Variants in NECAP2 observed in about 807,000 individuals in gnomAD.
NECAP2 encodes adaptin ear-binding coat-associated protein 2.
NECAP2 carries 38 observed loss-of-function variants against 37.8 expected under a neutral mutation model. That is an observed-to-expected ratio of 1.01 (90% CI 0.78 to 1.32). NECAP2 has a LOEUF of 1.32. NECAP2 is among the 40% of genes most tolerant of loss of function. The pLI is 0.00. For synonymous variants in NECAP2, 121 were observed against 127.7 expected (o/e 0.95, Z 0.35); for missense variants, 316 against 334.5 (o/e 0.94, Z 0.43).
intron 6 of NECAP2, 67 bp downstream of exon 6, chr1:16,452,082 C>T (rs2086852498): frequency 6.9e-7 from 1 of 1,441,768 alleles, no homozygotes; most frequent in African/African-American, 1.4e-5. Context: ...GCAGCCAGGC[C>T]CCATGGTTTC....
chr1:16,458,619 C>G (rs1301072459), intron 7 of NECAP2, among the ~76,000 whole-genome samples: 1 of 150,360 alleles, frequency 6.7e-6, no homozygotes, highest in Non-Finnish European at 1.5e-5. Context: ...AACAAAACCA[C>G]AAACAAAAAA....
intron 7 of NECAP2, among the ~76,000 whole-genome samples, chr1:16,458,567 G>T (rs927234025): frequency 1.6e-4 from 24 of 151,766 alleles, no homozygotes; most frequent in African/African-American, 5.6e-4. Context: ...TTCCAGCCTG[G>T]GCGACAGTGA....
At chr1:16,440,883 T>G (rs751002198) in intron 1 of NECAP2, 30 bp downstream of exon 1, 1 of 1,589,562 alleles carries the variant, frequency 6.3e-7, no homozygotes. Flanking sequence ...CCAGGCTAGC[T>G]CCAATTTAAC....
At chr1:16,455,923 TG>T in intron 7 of NECAP2, 30 bp downstream of exon 7, 1 of 1,574,430 alleles carries the variant, frequency 6.4e-7, no homozygotes, top group Non-Finnish European at 8.7e-7. Flanking sequence ...GCGGAGGGGC[TG>T]GGGCCAGGGC....
At chr1:16,458,492 G>A (rs1254088011) in intron 7 of NECAP2, among the ~76,000 whole-genome samples, 3 of 152,020 alleles carry the variant, frequency 2.0e-5, no homozygotes, top group Non-Finnish European at 1.5e-5. Context: ...TAGGGAGGCT[G>A]AGGTAGGAGG....
intron 1 of NECAP2, among the ~76,000 whole-genome samples, chr1:16,443,088 G>A (rs2086712314): frequency 6.6e-6 from 1 of 152,110 alleles, no homozygotes; most frequent in Admixed American, 6.5e-5. Context: ...GTCTCAAATG[G>A]TCGCTCTGAC....
chr1:16,449,531 CT>C (rs2086811175), intron 5 of NECAP2: 2 of 280,166 alleles, frequency 7.1e-6, no homozygotes, highest in South Asian at 1.1e-4. Context: ...AAGAAGGGAC[CT>C]GTAGGCAAGG....
chr1:16,454,872 G>T (rs1441715015), intron 6 of NECAP2, among the ~76,000 whole-genome samples: 1 of 152,178 alleles, frequency 6.6e-6, no homozygotes. Flanking sequence ...TGCTGGACCT[G>T]TTCTAAGCAT....
intron 2 of NECAP2, 79 bp from the exon 3 acceptor site, chr1:16,447,791 A>G: frequency 8.5e-7 from 1 of 1,174,408 alleles, no homozygotes; most frequent in Non-Finnish European, 1.3e-6. Flanking sequence ...CTTGCGGGCA[A>G]AAGGCCCAGT....
chr1:16,444,246 G>A (rs1386991567), intron 2 of NECAP2, among the ~76,000 whole-genome samples: 2 of 152,158 alleles, frequency 1.3e-5, no homozygotes, highest in South Asian at 2.1e-4. Context: ...AGATCGTCTT[G>A]GGGGAAACTT....
intron 5 of NECAP2, chr1:16,450,285 GTTGT>G: frequency 2.8e-6 from 1 of 353,556 alleles, no homozygotes; most frequent in Admixed American, 3.9e-5. Flanking sequence ...GTTTTGTTTT[GTTGT>G]TTTTTTTTTT....
At position 16,459,296 on chromosome 1, in the gene NECAP2, C is replaced by T. The variant is rs140844530; in HGVS notation, c.*406C>T. On this transcript the variant is annotated 3_prime_UTR_variant, in exon 8 of 8. Transcript: ENST00000337132. ...CAGGTGTCACATGATCACAGTTCAG[C>T]GGGAGGCTTTCCGTACCCACACTGG... 34 of 195,082 alleles carry T rather than the reference C, an allele frequency of 1.7e-4. No individual in the cohort carries two copies. The highest frequency in any genetic ancestry group is 3.7e-3 in the Middle Eastern group (2 of 546). The allele number at this position is 195,082 out of a possible 1,614,324, so 12.1% of individuals were successfully genotyped here. A position where few individuals can be genotyped will look rare whatever the true frequency, so the allele number is the denominator to read the frequency against.
chr1:16,450,166 A>G (rs960296134), intron 5 of NECAP2: 5 of 455,212 alleles, frequency 1.1e-5, no homozygotes, highest in Admixed American at 2.4e-5. Context: ...AGTCCAATCC[A>G]GTGGACTGGT....
chr1:16,443,718 A>G lies in NECAP2; in HGVS notation c.179A>G (p.Glu60Gly). Reference protein sequence around the residue: ...AKGQMAYIKLEDRTSGELFAQ... With the variant: ...AKGQMAYIKLGDRTSGELFAQ... ...GGACAGATGGCCTACATCAAGCTGG[A>G]GGACAGGACGTCAGGTAACCGGAAG... The change falls in exon 2 of 8, where the codon GAG becomes GGG. Residue 60 changes from glutamate to glycine, a missense_variant. Around this residue, in one of 3 missense-constraint regions of NECAP2, gnomAD observed 81 missense variants for 124.2 expected, o/e 0.65. Transcript: ENST00000337132. The G allele has an allele frequency of 6.2e-7, 1 of 1,612,620 alleles. No homozygotes were observed. Among genetic ancestry groups the G allele is most frequent in the Non-Finnish European group, 8.5e-7 (1 of 1,179,572 alleles).
rs1430583796 is a variant in NECAP2, at chr1:16,459,072, T to C, written c.*182T>C. 3.6e-6 allele frequency: 5 copies of C among 1,396,094 alleles called. No homozygotes were observed. The highest frequency in any genetic ancestry group is 4.8e-6 in the Non-Finnish European group (5 of 1,035,882). 86.5% of individuals were successfully genotyped at this position (1,396,094 alleles called of 1,614,324 possible). ...GCAGTAAATTGGCACCGTGTCACAC[T>C]GTTTCCTGGGATTCAAGTATGCAAC... On this transcript the variant is annotated 3_prime_UTR_variant, in exon 8 of 8. Coordinates refer to ENST00000337132, the MANE Select transcript of NECAP2 (RefSeq NM_018090.5).
chr1:16,448,048 G>A lies in NECAP2; in HGVS notation c.299-12G>A. The A allele has an allele frequency of 6.2e-7, 1 of 1,614,204 alleles. No individual in the cohort carries two copies. The highest frequency in any genetic ancestry group is 8.5e-7 in the Non-Finnish European group (1 of 1,180,030). On this transcript the variant is annotated splice_polypyrimidine_tract_variant and intron_variant, in intron 3 of 7. Transcript: ENST00000337132. ...CCTTTGGAAGGTGGGTTGATCATGT[G>A]TTGTTCCCCAGGGCGACGGGCGTTT...
chr1:16,443,429 A>T (rs1054952405), intron 1 of NECAP2, among the ~76,000 whole-genome samples: 5 of 152,260 alleles, frequency 3.3e-5, no homozygotes, highest in Non-Finnish European at 4.4e-5. Flanking sequence ...TGCATGTTCT[A>T]TACTGATTTT....
chr1:16,440,901 C>A, intron 1 of NECAP2, 48 bp downstream of exon 1: 1 of 1,534,038 alleles, frequency 6.5e-7, no homozygotes, highest in East Asian at 2.3e-5. Context: ...AACCCTTTCT[C>A]CGCCACCCGG....
rs1428662907 is a variant in NECAP2, at chr1:16,440,871, G to C, written c.92+18G>C. On this transcript the variant is annotated intron_variant, in intron 1 of 7. Transcript: ENST00000337132. ...GGCTACAGGTGACTACCCACCGCCA[G>C]ACCAGGCTAGCTCCAATTTAACCCT... The C allele has an allele frequency of 1.9e-6, 3 of 1,604,086 alleles. No individual in the cohort carries two copies. The highest frequency in any genetic ancestry group is 2.2e-5 in the East Asian group (1 of 44,840).
Sources: allele counts gnomAD v4.1 joint callset (sites outside exome capture counted in the v4.1 genomes callset), GRCh38; gene constraint gnomAD v4.1.1; regional missense constraint gnomAD v4.1.1; transcripts MANE v1.5; gene names NCBI Gene and HGNC (gene_info 2026-07-23, HGNC 2026-07-21).